The following KCNH5 variants were observed in gnomAD, a reference collection of about 807,000 sequenced individuals.
KCNH5 encodes potassium voltage-gated channel subfamily H member 5.
A neutral mutation model predicts 96.1 loss-of-function variants in KCNH5; 46 were observed. That is an observed-to-expected ratio of 0.48 (90% CI 0.38 to 0.61). The LOEUF (loss-of-function observed/expected upper bound fraction) is 0.61. Ranked by LOEUF, KCNH5 falls within the 20% of genes least tolerant of loss-of-function variation. The pLI is 0.00. For missense variants in KCNH5, 907 were observed against 1,225.8 expected, an observed-to-expected ratio of 0.74 and a Z score of 3.88; for synonymous variants, 439 against 449.8, an observed-to-expected ratio of 0.98 and a Z score of 0.30.
At chr14:62,988,179 C>T (rs1283693201) in intron 4 of KCNH5, among the ~76,000 whole-genome samples, 1 of 151,992 alleles carries the variant, frequency 6.6e-6, no homozygotes, top group African/African-American at 2.4e-5. Flanking sequence ...ACAAAACCAG[C>T]CATACTCTCA....
At chr14:62,950,589 C>G (rs770891974) in intron 6 of KCNH5, 30 bp from the exon 7 acceptor site, 53 of 1,430,052 alleles carry the variant, frequency 3.7e-5, no homozygotes, top group Non-Finnish European at 8.4e-6. Flanking sequence ...AAAAATTACA[C>G]CACATTTTCA....
In KCNH5 at chr14:62,950,350, T is replaced by C; in HGVS notation, c.1152A>G (p.Gln384=). ...EVIDEVTNTI[Q]IDSWLYQLAL... is the part of the protein sequence containing the mutation. ...CCAGCTGGTAGAGCCAACTGTCTAT[T>C]TGGATGGTGTTAGTGACTTCATCAA... Residue 384 remains glutamine, a synonymous_variant, in exon 7 of 11, where the codon CAA becomes CAG. Coordinates refer to ENST00000322893, the MANE Select transcript of KCNH5 (RefSeq NM_139318.5). 1 of 1,614,032 alleles carries C rather than the reference T, an allele frequency of 6.2e-7. No individual in the cohort carries two copies. The highest frequency in any genetic ancestry group is 2.2e-5 in the East Asian group (1 of 44,866).
chr14:62,873,617 A>G (rs1319877860), intron 7 of KCNH5, among the ~76,000 whole-genome samples: 2 of 152,238 alleles, frequency 1.3e-5, no homozygotes, highest in Non-Finnish European at 2.9e-5. Flanking sequence ...GAAGGCATTT[A>G]AGAAATCAAA....
intron 6 of KCNH5, among the ~76,000 whole-genome samples, chr14:62,975,861 C>T (rs923688887): frequency 1.3e-5 from 2 of 152,094 alleles, no homozygotes; most frequent in African/African-American, 4.8e-5. Context: ...ACAGATTAAA[C>T]TTGCCTGTTA....
chr14:62,768,054 G>T (rs1885902627), intron 10 of KCNH5, among the ~76,000 whole-genome samples: 1 of 152,200 alleles, frequency 6.6e-6, no homozygotes, highest in Non-Finnish European at 1.5e-5. Flanking sequence ...AGAGACTTGG[G>T]AGGGTGCCAG....
intron 3 of KCNH5, among the ~76,000 whole-genome samples, chr14:63,006,097 A>G (rs1444700000): frequency 1.3e-5 from 2 of 152,222 alleles, no homozygotes; most frequent in African/African-American, 2.4e-5. Flanking sequence ...GATCTTTATT[A>G]TAAGTATTAA....
intron 3 of KCNH5, among the ~76,000 whole-genome samples, chr14:63,001,756 T>A (rs1038274189): frequency 1.3e-5 from 2 of 152,198 alleles, no homozygotes; most frequent in Non-Finnish European, 2.9e-5. Flanking sequence ...ACTTAAGCAA[T>A]CCCAGCAACA....
At chr14:62,938,027 G>C (rs974189338) in intron 7 of KCNH5, among the ~76,000 whole-genome samples, 4 of 152,188 alleles carry the variant, frequency 2.6e-5, no homozygotes, top group African/African-American at 9.7e-5. Flanking sequence ...AGTCTCATCA[G>C]AAGAGTCAAT....
chr14:62,747,397 G>A (rs1238652799), intron 10 of KCNH5, among the ~76,000 whole-genome samples: 2 of 151,376 alleles, frequency 1.3e-5, no homozygotes, highest in South Asian at 2.1e-4. Context: ...TTAATACTAA[G>A]CACAGATTGG....
At chr14:62,931,395 G>A (rs776901895) in intron 7 of KCNH5, among the ~76,000 whole-genome samples, 3 of 152,080 alleles carry the variant, frequency 2.0e-5, no homozygotes, top group African/African-American at 7.2e-5. Flanking sequence ...GAAGCAGAGA[G>A]ACTCAGCCAG....
Position 62,892,032 on chromosome 14 carries a change from G to A in KCNH5, c.1370-42180C>T, listed in dbSNP as rs535045455. Among the ~76,000 whole-genome samples, 7 of 152,246 alleles carry A rather than the reference G, an allele frequency of 4.6e-5. No homozygotes were observed. In the South Asian group the frequency reaches 1.5e-3, roughly 32 times the overall value. Reference sequence around the variant, plus strand: ...TCTACAATGGTCTTTAAGTGTTGCAGTGAAAGGAAGAGTCCCACATCTCTC... The same window carrying A: ...TCTACAATGGTCTTTAAGTGTTGCAATGAAAGGAAGAGTCCCACATCTCTC... On this transcript the variant is annotated intron_variant, in intron 7 of 10. Transcript: ENST00000322893.
In KCNH5 at chr14:62,959,517, G is replaced by A. The variant is rs537781596; in HGVS notation, c.943-8958C>T. 2.0e-5 allele frequency among the ~76,000 whole-genome samples: 3 copies of A among 152,108 alleles called. No homozygotes were observed. The South Asian group carries it at 6.2e-4, about 32-fold the overall frequency. Reference sequence around the variant, plus strand: ...GGTCCACACTTTGTGCTTTGTTAATGTGTCTCTTAATCTACACATTTCCCT... The same window carrying A: ...GGTCCACACTTTGTGCTTTGTTAATATGTCTCTTAATCTACACATTTCCCT... On this transcript the variant is annotated intron_variant, in intron 6 of 10. Transcript: ENST00000322893.
At chr14:62,915,412 A>T (rs2140104019) in intron 7 of KCNH5, among the ~76,000 whole-genome samples, 1 of 152,376 alleles carries the variant, frequency 6.6e-6, no homozygotes, top group Admixed American at 6.5e-5. Flanking sequence ...AGTAAGAAAT[A>T]TAATTCTTAT....
At chr14:62,729,639 T>C (rs969402004) in intron 10 of KCNH5, among the ~76,000 whole-genome samples, 1 of 152,214 alleles carries the variant, frequency 6.6e-6, no homozygotes, top group Non-Finnish European at 1.5e-5. Flanking sequence ...AGTCAATCTC[T>C]ATGGCAGAGA....
chr14:62,829,834 T>G (rs538264066), intron 8 of KCNH5, among the ~76,000 whole-genome samples: 1 of 152,240 alleles, frequency 6.6e-6, no homozygotes, highest in Non-Finnish European at 1.5e-5. Flanking sequence ...AGAAAATGGG[T>G]TTTTCTTTTC....
intron 2 of KCNH5, among the ~76,000 whole-genome samples, chr14:63,016,430 TG>T (rs1179610931): frequency 6.6e-6 from 1 of 152,046 alleles, no homozygotes; most frequent in East Asian, 1.9e-4. Context: ...TCATGGACCA[TG>T]TTTAACTTGG....
intron 7 of KCNH5, among the ~76,000 whole-genome samples, chr14:62,895,683 T>C (rs1595674313): frequency 6.6e-6 from 1 of 152,272 alleles, no homozygotes; most frequent in East Asian, 1.9e-4. Context: ...ATGCCATACC[T>C]ATAGTTATAG....
chr14:62,804,460 G>A (rs1374104721), intron 8 of KCNH5, among the ~76,000 whole-genome samples: 1 of 152,110 alleles, frequency 6.6e-6, no homozygotes, highest in Non-Finnish European at 1.5e-5. Flanking sequence ...CTCAGAACTA[G>A]AAGGATAAGA....
intron 7 of KCNH5, among the ~76,000 whole-genome samples, chr14:62,934,100 C>A (rs1030770346): frequency 6.6e-6 from 1 of 151,320 alleles, no homozygotes; most frequent in East Asian, 1.9e-4. Context: ...AATGGACACA[C>A]TTTTTTCAAA....
Sources: allele counts gnomAD v4.1 joint callset (sites outside exome capture counted in the v4.1 genomes callset), GRCh38; gene constraint gnomAD v4.1.1; transcripts MANE v1.5; gene names NCBI Gene and HGNC (gene_info 2026-07-23, HGNC 2026-07-21).